Variants in AIF1L observed in about 807,000 individuals in gnomAD.
The protein encoded by AIF1L is allograft inflammatory factor 1 like, also known as allograft inflammatory factor 1-like.
Under a neutral mutation model 20.7 loss-of-function variants are expected in AIF1L, and 12 were observed. The observed-to-expected ratio is 0.58, with a 90% CI of 0.37 to 0.94. The LOEUF (loss-of-function observed/expected upper bound fraction) is 0.94, where lower values mean the gene tolerates loss of function less well. AIF1L is among the 40% of genes least tolerant of loss of function. AIF1L has a pLI of 0.01. For synonymous variants in AIF1L, 76 were observed against 65.1 expected (o/e 1.17, Z -0.81); for missense variants, 173 against 185.3 (o/e 0.93, Z 0.39).
rs536190670 is a variant in AIF1L at position 131,122,213 on chromosome 9, G to C, written c.*1891G>C. The C allele has an allele frequency of 3.0e-4, 46 of 152,720 alleles. No individual in the cohort carries two copies. Among genetic ancestry groups the C allele is most frequent in the African/African-American group, 1.1e-3 (44 of 41,546 alleles). 9.5% of individuals were successfully genotyped at this position (152,720 alleles called of 1,614,324 possible). On this transcript the variant is annotated 3_prime_UTR_variant, in exon 6 of 6. Coordinates refer to ENST00000247291, the MANE Select transcript of AIF1L (RefSeq NM_031426.4). ...AGGTCTTGGTGGTTGGAGCCAACGTGGGTTCCCTGCGGCTCCTTAGTCACC... is the reference window on the plus strand; with the variant it reads ...AGGTCTTGGTGGTTGGAGCCAACGTCGGTTCCCTGCGGCTCCTTAGTCACC...
chr9:131,100,563 A>AC (rs572112500), intron 2 of AIF1L, among the ~76,000 whole-genome samples: 68 of 151,814 alleles, frequency 4.5e-4, no homozygotes, highest in Non-Finnish European at 6.9e-4. Context: ...CTGCGTGTCC[A>AC]CCCCCAGCTC....
intron 4 of AIF1L, among the ~76,000 whole-genome samples, chr9:131,114,860 G>A (rs990107921): frequency 2.6e-5 from 4 of 152,200 alleles, no homozygotes; most frequent in South Asian, 2.1e-4. Flanking sequence ...CAGGTGCTAC[G>A]GGGACTCAGG....
At chr9:131,104,351 CCA>C (rs1376848818) in intron 2 of AIF1L, among the ~76,000 whole-genome samples, 2 of 152,212 alleles carry the variant, frequency 1.3e-5, no homozygotes, top group Non-Finnish European at 2.9e-5. Flanking sequence ...CCACCTACCC[CCA>C]CATCTCCCTG....
intron 1 of AIF1L, 44 bp downstream of exon 1, chr9:131,096,704 G>C (rs905221492): frequency 1.4e-5 from 20 of 1,447,250 alleles, no homozygotes; most frequent in Non-Finnish European, 1.8e-5. Context: ...CGCGCCGGGC[G>C]GACCGCGGGG....
rs1831149629 is a variant in AIF1L at position 131,122,037 on chromosome 9, A to T, written c.*1715A>T. 1 of 152,290 alleles carries T rather than the reference A, an allele frequency of 6.6e-6. No homozygotes were observed. Among genetic ancestry groups the T allele is most frequent in the African/African-American group, 2.4e-5 (1 of 41,470 alleles). The allele number at this position is 152,290 out of a possible 1,614,324, so 9.4% of individuals were successfully genotyped here. ...TTCATGGAACTTAGAGTCCAATAGG[A>T]AAGTGAGACCCAGACAATGACAATG... On this transcript the variant is annotated 3_prime_UTR_variant, in exon 6 of 6. Transcript: ENST00000247291.
In AIF1L at chr9:131,120,282, T is replaced by C. The variant is rs112778089; in HGVS notation, c.413T>C (p.Val138Ala). The C allele has an allele frequency of 2.4e-3, 3,912 of 1,613,800 alleles. 6 individuals carry two copies. Among genetic ancestry groups the C allele is most frequent in the Non-Finnish European group, 3.1e-3 (3,661 of 1,179,942 alleles). Reference protein sequence around the residue: ...GKANESSPKPVGPPPERDIAS... With the variant: ...GKANESSPKPAGPPPERDIAS... ...GCCAACGAGAGCAGCCCCAAGCCAG[T>C]TGGCCCCCCTCCAGAGAGAGACATT... Residue 138 changes from valine (V) to alanine (A), a missense_variant, in exon 6 of 6, where the codon GTT becomes GCT. Physicochemically the swap from Val to Ala is moderately conservative, Grantham distance 64 (BLOSUM62 0). Coordinates refer to ENST00000247291, the MANE Select transcript of AIF1L (RefSeq NM_031426.4).
Position 131,120,995 on chromosome 9 carries a change from T to G in AIF1L, c.*673T>G. ...CTCTGGCCACACCTGTGCAGGCAGC[T>G]GAGAGGCAGCGTGCAGCCCTACTGT... On this transcript the variant is annotated 3_prime_UTR_variant, in exon 6 of 6. Coordinates refer to ENST00000247291, the MANE Select transcript of AIF1L (RefSeq NM_031426.4). 1 of 623,528 alleles carries G rather than the reference T, an allele frequency of 1.6e-6. No homozygotes were observed. The highest frequency in any genetic ancestry group is 1.8e-5 in the African/African-American group (1 of 55,392). The allele number at this position is 623,528 out of a possible 1,614,324, so 38.6% of individuals were successfully genotyped here. A position where few individuals can be genotyped will look rare whatever the true frequency, so the allele number is the denominator to read the frequency against.
intron 4 of AIF1L, 81 bp from the exon 5 acceptor site, chr9:131,117,674 TG>T: frequency 6.9e-7 from 1 of 1,444,728 alleles, no homozygotes; most frequent in African/African-American, 1.4e-5. Context: ...AGGCGTGGGG[TG>T]CCTGAGTGGA....
At chr9:131,108,505 G>A (rs1830801775) in intron 2 of AIF1L, among the ~76,000 whole-genome samples, 1 of 152,166 alleles carries the variant, frequency 6.6e-6, no homozygotes, top group African/African-American at 2.4e-5. Flanking sequence ...CGTTTGGCCT[G>A]TCTATGGACT....
Position 131,121,347 on chromosome 9 carries a change from A to T in AIF1L, c.*1025A>T. On this transcript the variant is annotated 3_prime_UTR_variant, in exon 6 of 6. Coordinates refer to ENST00000247291, the MANE Select transcript of AIF1L (RefSeq NM_031426.4). ...GCTATTATAAGCTTTACATCCTCCC[A>T]TGTTGTCCTGGCATGTGCAGTATAC... 2 of 533,958 alleles carry T rather than the reference A, an allele frequency of 3.7e-6. No individual in the cohort carries two copies. The highest frequency in any genetic ancestry group is 6.7e-6 in the Non-Finnish European group (2 of 297,838). The allele number at this position is 533,958 out of a possible 1,614,324, so 33.1% of individuals were successfully genotyped here. A position where few individuals can be genotyped will look rare whatever the true frequency, so the allele number is the denominator to read the frequency against.
chr9:131,103,964 A>AG (rs934120483), intron 2 of AIF1L, among the ~76,000 whole-genome samples: 1 of 152,192 alleles, frequency 6.6e-6, no homozygotes, highest in Admixed American at 6.5e-5. Flanking sequence ...TTGAACAAGG[A>AG]GGGCAAGCTG....
In AIF1L at chr9:131,121,074, G is replaced by C. The variant is rs1448834933; in HGVS notation, c.*752G>C. 2 of 630,990 alleles carry C rather than the reference G, an allele frequency of 3.2e-6. No homozygotes were observed. Among genetic ancestry groups the C allele is most frequent in the Non-Finnish European group, 5.7e-6 (2 of 349,218 alleles). 39.1% of individuals were successfully genotyped at this position (630,990 alleles called of 1,614,324 possible). A position where few individuals can be genotyped will look rare whatever the true frequency, so the allele number is the denominator to read the frequency against. ...AGGCAGAAGTGAGGCCTGGGGTTTT[G>C]GGGGAAAGGTCAGCTCAGTGCTGTT... On this transcript the variant is annotated 3_prime_UTR_variant, in exon 6 of 6. Coordinates refer to ENST00000247291, the MANE Select transcript of AIF1L (RefSeq NM_031426.4).
At chr9:131,097,564 G>A (rs896032381) in intron 2 of AIF1L, among the ~76,000 whole-genome samples, 23 of 152,206 alleles carry the variant, frequency 1.5e-4, no homozygotes, top group African/African-American at 3.6e-4. Flanking sequence ...TGCTGGTCCT[G>A]GTGGATTTCT....
chr9:131,114,342 C>A, intron 3 of AIF1L: 1 of 512,232 alleles, frequency 2.0e-6, no homozygotes, highest in Admixed American at 3.1e-5. Context: ...GTCAGAGTGG[C>A]CCCCAGCCAT....
Position 131,120,499 on chromosome 9 carries a change from C to T in AIF1L, c.*177C>T, listed in dbSNP as rs540879328. On this transcript the variant is annotated 3_prime_UTR_variant, in exon 6 of 6. Coordinates refer to ENST00000247291, the MANE Select transcript of AIF1L (RefSeq NM_031426.4). Reference sequence around the variant, plus strand: ...TATCTGCCTTAAAGGGGCTCTGGGTCGGGGAATCCTGAGCCTTGGGTCCCC... The same window carrying T: ...TATCTGCCTTAAAGGGGCTCTGGGTTGGGGAATCCTGAGCCTTGGGTCCCC... 2.2e-5 allele frequency: 12 copies of T among 552,660 alleles called. No individual in the cohort carries two copies. The East Asian group carries it at 2.3e-4, about 11-fold the overall frequency. The allele number at this position is 552,660 out of a possible 1,614,324, so 34.2% of individuals were successfully genotyped here.
At position 131,116,862 on chromosome 9, in the gene AIF1L, G is replaced by C. The variant is rs367667743; in HGVS notation, c.203-894G>C. ...TGTGCAGCCCTTTCCCCCTTTCCTGGAGAAGGCTGCCCAGCTCTCTCTGAA... is the reference window on the plus strand; with the variant it reads ...TGTGCAGCCCTTTCCCCCTTTCCTGCAGAAGGCTGCCCAGCTCTCTCTGAA... On this transcript the variant is annotated intron_variant, in intron 4 of 5. Coordinates refer to ENST00000247291, the MANE Select transcript of AIF1L (RefSeq NM_031426.4). Among the ~76,000 whole-genome samples the C allele has an allele frequency of 9.8e-5, 15 of 152,332 alleles. No homozygotes were observed. The East Asian group carries it at 2.9e-3, about 29-fold the overall frequency.
At chr9:131,108,784 T>C (rs578129710) in intron 2 of AIF1L, among the ~76,000 whole-genome samples, 24 of 152,340 alleles carry the variant, frequency 1.6e-4, no homozygotes, top group African/African-American at 5.8e-4. Context: ...CATAATCTTA[T>C]CTGTTGCTCA....
intron 2 of AIF1L, among the ~76,000 whole-genome samples, chr9:131,100,959 G>A (rs749032955): frequency 4.6e-5 from 7 of 152,076 alleles, no homozygotes; most frequent in African/African-American, 1.4e-4. Flanking sequence ...GTGCAGTGGC[G>A]TGATCTCGGC....
rs571867821 is a variant in AIF1L at position 131,115,728 on chromosome 9, C to T, written c.202+1110C>T. Among the ~76,000 whole-genome samples the T allele has an allele frequency of 9.9e-5, 15 of 151,730 alleles. No individual in the cohort carries two copies. In the South Asian group the frequency reaches 3.1e-3, roughly 32 times the overall value. On this transcript the variant is annotated intron_variant, in intron 4 of 5. Transcript: ENST00000247291. The stretch of plus-strand genomic sequence containing the variant: ...GTGTCTCACGCCTGTAATCCCAGCA[C>T]TTTGGGAGGCCAAGGCGGGCGGATC...
Sources: allele counts gnomAD v4.1 joint callset (sites outside exome capture counted in the v4.1 genomes callset), GRCh38; gene constraint gnomAD v4.1.1; transcripts MANE v1.5; gene names NCBI Gene and HGNC (gene_info 2026-07-23, HGNC 2026-07-21).